The following KIAA0319 variants were observed in gnomAD, a reference collection of about 807,000 sequenced individuals.
KIAA0319 encodes the protein dyslexia-associated protein KIAA0319.
Under a neutral mutation model 108.4 loss-of-function variants are expected in KIAA0319, and 83 were observed. That is an observed-to-expected ratio of 0.77 (90% CI 0.64 to 0.92). The LOEUF (loss-of-function observed/expected upper bound fraction) is 0.92, where lower values mean the gene tolerates loss of function less well. Ranked by LOEUF, KIAA0319 falls within the 40% of genes least tolerant of loss-of-function variation. The pLI is 0.00. For missense variants in KIAA0319, 1,195 were observed against 1,322.4 expected (o/e 0.90, Z 1.49); for synonymous variants, 484 against 510.4 (o/e 0.95, Z 0.70).
chr6:24,544,025 G>T, downstream of KIAA0319: 2 of 152,182 alleles, frequency 1.3e-5, 1 homozygote, highest in Non-Finnish European at 2.9e-5. Context: ...TTTAGGCTTT[G>T]CAGACAGTCC....
At chr6:24,569,822 T>C in intron 12 of KIAA0319, 81 bp downstream of exon 12, 1 of 1,518,040 alleles carries the variant, frequency 6.6e-7, no homozygotes, top group South Asian at 1.2e-5. Context: ...AAGCTGATTG[T>C]TTACTACAGA....
chr6:24,628,441 G>A (rs1775025786), intron 1 of KIAA0319, among the ~76,000 whole-genome samples: 1 of 152,142 alleles, frequency 6.6e-6, no homozygotes, highest in African/African-American at 2.4e-5. Flanking sequence ...TGCCCTGTGG[G>A]TTTTTAAAAG....
intron 5 of KIAA0319, 73 bp from the exon 6 acceptor site, chr6:24,582,419 T>C: frequency 1.1e-6 from 1 of 879,886 alleles, no homozygotes; most frequent in East Asian, 2.5e-5. Flanking sequence ...AGAGGGAAGA[T>C]GACAGCCTTT....
At chr6:24,608,206 G>T (rs1289431389) in intron 1 of KIAA0319, among the ~76,000 whole-genome samples, 11 of 151,384 alleles carry the variant, frequency 7.3e-5, no homozygotes, top group African/African-American at 2.7e-4. Context: ...TGCTACTGAG[G>T]AAAAAATAAA....
intron 15 of KIAA0319, 131 bp from the exon 16 acceptor site, chr6:24,563,649 T>A (rs2127444177): frequency 1.4e-6 from 1 of 727,194 alleles, no homozygotes; most frequent in East Asian, 2.9e-5. Context: ...AGCACTCAGG[T>A]AAATTCTTCT....
In KIAA0319 at chr6:24,624,202, TG is replaced by T. The variant is rs528307486; in HGVS notation, c.-106+21533del. On this transcript the variant is annotated intron_variant, in intron 1 of 20. Coordinates refer to ENST00000378214, the MANE Select transcript of KIAA0319 (RefSeq NM_014809.4). ...ACCACACCTAGCTAATTTTTGGGGT[TG>T]TTTTTTTTTTTTTTTTTTTGTAGAG... 8.7e-3 allele frequency among the ~76,000 whole-genome samples: 991 copies of T among 113,338 alleles called. 19 individuals are homozygous for T. Among genetic ancestry groups the T allele is most frequent in the Non-Finnish European group, 8.1e-3 (475 of 58,920 alleles). 74.4% of individuals were successfully genotyped at this position (113,338 alleles called of 152,430 possible).
rs1341452189 is a variant in KIAA0319, at chr6:24,553,270, G to GATATATAT, written c.2948+1270_2948+1271insATATATAT. Among the ~76,000 whole-genome samples the GATATATAT allele has an allele frequency of 8.4e-4, 89 of 105,782 alleles. 6 individuals are homozygous for GATATATAT. Among genetic ancestry groups the GATATATAT allele is most frequent in the African/African-American group, 3.5e-3 (74 of 21,170 alleles). The allele number at this position is 105,782 out of a possible 152,430, so 69.4% of individuals were successfully genotyped here. The stretch of plus-strand genomic sequence containing the variant: ...TGTAAGGCCACTTAGGTACTTGTGA[G>GATATATAT]ATAGATATATATATATATATATATA... On this transcript the variant is annotated intron_variant, in intron 19 of 20. Transcript: ENST00000378214.
At chr6:24,640,099 G>T (rs1776729437) in intron 1 of KIAA0319, among the ~76,000 whole-genome samples, 2 of 152,044 alleles carry the variant, frequency 1.3e-5, no homozygotes, top group Non-Finnish European at 2.9e-5. Flanking sequence ...ATACATAATA[G>T]TTGTATATAT....
In KIAA0319 at chr6:24,601,055, T is replaced by C. The variant is rs767849616; in HGVS notation, c.49A>G (p.Ile17Val). 5.6e-6 allele frequency: 9 copies of C among 1,613,826 alleles called. No individual in the cohort carries two copies. The East Asian group carries it at 1.1e-4, about 20-fold the overall frequency. Residue 17 changes from isoleucine to valine, a missense_variant, in exon 2 of 21, where the codon ATT becomes GTT. Transcript: ENST00000378214. Reference sequence around the variant, plus strand: ...CAGGGTAGTAGTTCCCTACCTGCAATTGTCACCAGCAGCAGCAATGAAGAG... The same window carrying C: ...CAGGGTAGTAGTTCCCTACCTGCAACTGTCACCAGCAGCAGCAATGAAGAG... ...VLSSLLLLVT[I>V]AGCARKQCSE...
At chr6:24,634,062 G>A (rs1295458238) in intron 1 of KIAA0319, among the ~76,000 whole-genome samples, 1 of 152,108 alleles carries the variant, frequency 6.6e-6, no homozygotes, top group Non-Finnish European at 1.5e-5. Context: ...TCAAAGGCAA[G>A]ATAAATAAAC....
At chr6:24,549,853 A>C (rs1761207322) in intron 20 of KIAA0319, among the ~76,000 whole-genome samples, 1 of 152,072 alleles carries the variant, frequency 6.6e-6, no homozygotes, top group Non-Finnish European at 1.5e-5. Context: ...AGAGTCTAGC[A>C]AGTGCGGGTG....
intron 1 of KIAA0319, among the ~76,000 whole-genome samples, chr6:24,607,608 G>T (rs1203656206): frequency 6.6e-6 from 1 of 151,966 alleles, no homozygotes; most frequent in Non-Finnish European, 1.5e-5. Flanking sequence ...TCACTTATAT[G>T]GTAACTAACA....
intron 16 of KIAA0319, 59 bp from the exon 17 acceptor site, chr6:24,559,214 C>T (rs1476800766): frequency 3.8e-6 from 6 of 1,572,756 alleles, no homozygotes; most frequent in Non-Finnish European, 4.3e-6. Flanking sequence ...TACCATGACA[C>T]GCCCACCACA....
chr6:24,641,115 G>A (rs1264477901), intron 1 of KIAA0319, among the ~76,000 whole-genome samples: 1 of 152,098 alleles, frequency 6.6e-6, no homozygotes, highest in African/African-American at 2.4e-5. Context: ...TTGTTTCTAC[G>A]AATTTGACTA....
At chr6:24,586,340 A>G (rs1165170451) in intron 4 of KIAA0319, among the ~76,000 whole-genome samples, 2 of 152,190 alleles carry the variant, frequency 1.3e-5, no homozygotes, top group East Asian at 3.9e-4. Context: ...TTTTGAAGAA[A>G]CAGCAGACCA....
intron 18 of KIAA0319, among the ~76,000 whole-genome samples, chr6:24,554,840 G>C (rs17376614): frequency 0.036 from 5,549 of 152,262 alleles, 177 homozygotes; most frequent in Non-Finnish European, 0.041. Flanking sequence ...TTTATCTATT[G>C]GGTTTCAGGG....
chr6:24,644,029 AT>A (rs1418900893), intron 1 of KIAA0319, among the ~76,000 whole-genome samples: 2 of 152,268 alleles, frequency 1.3e-5, no homozygotes, highest in African/African-American at 2.4e-5. Flanking sequence ...CCTCAATAAC[AT>A]AGTTTCATTC....
chr6:24,612,700 T>C (rs945854491), intron 1 of KIAA0319, among the ~76,000 whole-genome samples: 2 of 152,166 alleles, frequency 1.3e-5, no homozygotes, highest in Non-Finnish European at 2.9e-5. Flanking sequence ...AATATAAATA[T>C]AAATTTGCTA....
In KIAA0319 at chr6:24,599,681, C is replaced by T. The variant is rs72841565; in HGVS notation, c.55+1368G>A. 2.2e-3 allele frequency: 1,331 copies of T among 607,854 alleles called. 5 individuals are homozygous for T. Among genetic ancestry groups the T allele is most frequent in the Non-Finnish European group, 3.1e-3 (1,024 of 328,552 alleles). 37.7% of individuals were successfully genotyped at this position (607,854 alleles called of 1,614,324 possible). On this transcript the variant is annotated intron_variant, in intron 2 of 20. Transcript: ENST00000378214. The surrounding 1 kb of genome is among the most constrained non-coding windows in gnomAD (Gnocchi z 4.1). ...GCTCCAGCTTTGGCTCTGGCGGGTGCTCCAGCTCCTTCAGCAGCACCAACT... is the reference window on the plus strand; with the variant it reads ...GCTCCAGCTTTGGCTCTGGCGGGTGTTCCAGCTCCTTCAGCAGCACCAACT...
Sources: gnomAD v4.1 joint callset for allele counts (sites outside exome capture counted in the v4.1 genomes callset) on GRCh38, gnomAD v4.1.1 for gene constraint, Gnocchi (gnomAD v3.1) non-coding constraint, MANE v1.5 for transcripts, NCBI Gene and HGNC (gene_info 2026-07-23, HGNC 2026-07-21) for gene names.